Variants in TPD52 observed in about 807,000 individuals in gnomAD.
TPD52 encodes prostate and colon associated protein.
A neutral mutation model predicts 31.3 loss-of-function variants in TPD52; 17 were observed. The ratio of observed to expected loss-of-function variants is 0.54; its 90% CI spans 0.37 to 0.82. The LOEUF (loss-of-function observed/expected upper bound fraction) is 0.82. Among genes scored for constraint, TPD52 ranks in the 40% least tolerant of loss-of-function variants. TPD52 has a pLI of 0.00. For missense variants in TPD52, 212 were observed against 240.1 expected, an observed-to-expected ratio of 0.88 and a Z score of 0.77; for synonymous variants, 83 against 89.6, an observed-to-expected ratio of 0.93 and a Z score of 0.42.
intron 1 of TPD52, among the ~76,000 whole-genome samples, chr8:80,142,235 A>C (rs183438278): frequency 6.6e-6 from 1 of 152,348 alleles, no homozygotes; most frequent in East Asian, 1.9e-4. Context: ...CAAAGGCACA[A>C]ATCGGGTCTG....
intron 1 of TPD52, among the ~76,000 whole-genome samples, chr8:80,091,079 G>A (rs1411106640): frequency 6.6e-6 from 1 of 152,144 alleles, no homozygotes; most frequent in Non-Finnish European, 1.5e-5. Flanking sequence ...CAAACATGTC[G>A]TCTGGATAAG....
chr8:80,081,403 C>G (rs1163055511), intron 1 of TPD52, among the ~76,000 whole-genome samples: 1 of 152,122 alleles, frequency 6.6e-6, no homozygotes, highest in Non-Finnish European at 1.5e-5. Flanking sequence ...CTTAGCAGAA[C>G]CTTTCTATGC....
intron 1 of TPD52, among the ~76,000 whole-genome samples, chr8:80,072,086 G>A (rs991907712): frequency 6.6e-5 from 10 of 152,168 alleles, no homozygotes; most frequent in Admixed American, 1.3e-4. Context: ...CCAGGCAGGC[G>A]GATCAAGAGG....
At chr8:80,063,797 G>A (rs1225708172) in intron 2 of TPD52, among the ~76,000 whole-genome samples, 2 of 150,000 alleles carry the variant, frequency 1.3e-5, no homozygotes, top group Non-Finnish European at 1.5e-5. Context: ...ACTCCATCTC[G>A]AAAAATAAAA....
chr8:80,059,578 G>A (rs954949516), intron 2 of TPD52, among the ~76,000 whole-genome samples: 3 of 152,162 alleles, frequency 2.0e-5, no homozygotes, highest in Non-Finnish European at 2.9e-5. Context: ...AGACAGCCAG[G>A]CGCAGTGGCT....
At chr8:80,116,347 A>G (rs1471964401) in intron 1 of TPD52, among the ~76,000 whole-genome samples, 1 of 152,216 alleles carries the variant, frequency 6.6e-6, no homozygotes, top group African/African-American at 2.4e-5. Context: ...ACCATACAGA[A>G]TAAAAAGGAT....
At position 80,072,365 on chromosome 8, in the gene TPD52, GTACACATAGATA is replaced by G. The variant is rs1563598028; in HGVS notation, c.20-7784_20-7773del. 3.5e-3 allele frequency among the ~76,000 whole-genome samples: 495 copies of G among 141,644 alleles called. 29 individuals carry two copies. The highest frequency in any genetic ancestry group is 0.012 in the African/African-American group (465 of 38,134). The allele number at this position is 141,644 out of a possible 152,430, so 92.9% of individuals were successfully genotyped here. ...TGTGTGTGTATGTGTGTATATACAT[GTACACATAGATA>G]TGCGTGTATATACATGTACACATAG... is the stretch of plus-strand genomic sequence containing the variant. On this transcript the variant is annotated intron_variant, in intron 1 of 7. Coordinates refer to ENST00000518937, the MANE Select transcript of TPD52 (RefSeq NM_001025253.3).
intron 1 of TPD52, among the ~76,000 whole-genome samples, chr8:80,090,067 A>G (rs1454358942): frequency 3.3e-5 from 5 of 152,118 alleles, no homozygotes; most frequent in Non-Finnish European, 7.4e-5. Flanking sequence ...GGAGGAAAGG[A>G]AAGGGAAGAA....
At chr8:80,122,904 T>C (rs999372255) in intron 1 of TPD52, 1 of 152,254 alleles carries the variant, frequency 6.6e-6, no homozygotes, top group Admixed American at 6.5e-5. Context: ...CCACAGACAA[T>C]AGTTTGGGAA....
intron 1 of TPD52, among the ~76,000 whole-genome samples, chr8:80,109,140 C>T (rs1214113044): frequency 6.6e-6 from 1 of 152,114 alleles, no homozygotes; most frequent in Non-Finnish European, 1.5e-5. Context: ...CCAGGAACCT[C>T]AAGATATTTG....
chr8:80,151,228 G>T (rs1810547994), intron 1 of TPD52, among the ~76,000 whole-genome samples: 1 of 152,122 alleles, frequency 6.6e-6, no homozygotes, highest in Admixed American at 6.6e-5. Flanking sequence ...TGCCATGATT[G>T]TGAGGCCTCC....
At chr8:80,034,300 C>T (rs982361519), downstream of TPD52, among the ~76,000 whole-genome samples, 54 of 152,180 alleles carry the variant, frequency 3.5e-4, no homozygotes, top group Non-Finnish European at 7.1e-4. Context: ...TCTGGAGCTG[C>T]AGCTGGGTGG....
intron 1 of TPD52, among the ~76,000 whole-genome samples, chr8:80,137,810 G>A (rs929590711): frequency 6.6e-6 from 1 of 152,134 alleles, no homozygotes. Context: ...AAGGTAGGGT[G>A]GCCTGTAATT....
intron 1 of TPD52, among the ~76,000 whole-genome samples, chr8:80,140,584 C>T (rs1210232904): frequency 2.0e-5 from 3 of 152,132 alleles, no homozygotes; most frequent in African/African-American, 7.2e-5. Context: ...TTCCTTGTAG[C>T]TACGAAAAAC....
At chr8:80,073,369 C>T (rs1422159805) in intron 1 of TPD52, among the ~76,000 whole-genome samples, 1 of 152,172 alleles carries the variant, frequency 6.6e-6, no homozygotes, top group African/African-American at 2.4e-5. Flanking sequence ...TGCCTGAAAC[C>T]CCATCCCTAT....
intron 1 of TPD52, among the ~76,000 whole-genome samples, chr8:80,120,256 G>A (rs547538715): frequency 8.5e-5 from 13 of 152,278 alleles, no homozygotes; most frequent in East Asian, 7.7e-4. Flanking sequence ...GTGGGAGGCC[G>A]AGGCAGGTGG....
intron 1 of TPD52, among the ~76,000 whole-genome samples, chr8:80,100,385 T>G (rs1806645517): frequency 1.3e-5 from 2 of 152,232 alleles, no homozygotes; most frequent in Non-Finnish European, 2.9e-5. Context: ...CTGCTGCTTA[T>G]GAACAAGCAG....
At chr8:80,169,431 G>A (rs906505086) in intron 1 of TPD52, among the ~76,000 whole-genome samples, 5 of 152,150 alleles carry the variant, frequency 3.3e-5, no homozygotes, top group Non-Finnish European at 7.3e-5. Context: ...CATCTTACAA[G>A]ATAAAGATTT....
In TPD52 at chr8:80,169,131, G is replaced by A. The variant is rs113273261; in HGVS notation, c.19+2294C>T. 8.7e-3 allele frequency among the ~76,000 whole-genome samples: 1,320 copies of A among 152,164 alleles called. 19 individuals are homozygous for A. The highest frequency in any genetic ancestry group is 0.03 in the African/African-American group (1,228 of 41,508). On this transcript the variant is annotated intron_variant, in intron 1 of 7. Transcript: ENST00000518937. ...TCCTGAATAGCTGGGACTACAGGCC[G>A]GTGCCACCGCGCCGAGCTAATTTTT...
Sources: gnomAD v4.1 joint callset for allele counts (sites outside exome capture counted in the v4.1 genomes callset) on GRCh38, gnomAD v4.1.1 for gene constraint, MANE v1.5 for transcripts, NCBI Gene and HGNC (gene_info 2026-07-23, HGNC 2026-07-21) for gene names.